Variants in HDX observed in about 807,000 individuals in gnomAD.
HDX encodes highly divergent homeobox, also known as chromosome X open reading frame 43.
A neutral mutation model predicts 45.2 loss-of-function variants in HDX; 19 were observed. That is an observed-to-expected ratio of 0.42 (90% CI 0.29 to 0.62). The LOEUF is 0.62. HDX is among the 20% of genes least tolerant of loss of function. HDX has a pLI of 0.20. For missense variants in HDX, 532 were observed against 493.9 expected, an observed-to-expected ratio of 1.08 and a Z score of -0.73; for synonymous variants, 188 against 172.8, an observed-to-expected ratio of 1.09 and a Z score of -0.69.
At chrX:84,419,899 C>A (rs1382194350) in intron 5 of HDX, among the ~76,000 whole-genome samples, 2 of 111,869 alleles carry the variant, frequency 1.8e-5, no homozygotes, top group Admixed American at 1.9e-4. Context: ...TTCTCCCAGA[C>A]CTTGCCCAGG....
intron 1 of HDX, among the ~76,000 whole-genome samples, chrX:84,494,458 T>C (rs776230110): frequency 2.7e-5 from 3 of 111,951 alleles, no homozygotes; most frequent in Non-Finnish European, 5.7e-5. Flanking sequence ...GGGAAGTACA[T>C]ACACAAAGAG....
intron 5 of HDX, among the ~76,000 whole-genome samples, chrX:84,367,241 A>G (rs1438334378): frequency 2.7e-5 from 3 of 112,516 alleles, no homozygotes; most frequent in African/African-American, 9.7e-5. Context: ...CAACAAACAT[A>G]TTTAAAAAAA....
Position 84,475,483 on chromosome X carries a change from C to T in HDX, c.1-86G>A, listed in dbSNP as rs2040528646. 5 of 531,370 alleles carry T rather than the reference C, an allele frequency of 9.4e-6. No individual in the cohort carries two copies. The South Asian group carries it at 1.5e-4, about 16-fold the overall frequency. The allele number at this position is 531,370 out of a possible 1,213,427, so 43.8% of individuals were successfully genotyped here. A position where few individuals can be genotyped will look rare whatever the true frequency, so the allele number is the denominator to read the frequency against. ...TACACCTATTTTTTTAATACAATTTCAATGCTTCCAAGCTGTAAACTTCTG... is the reference window on the plus strand; with the variant it reads ...TACACCTATTTTTTTAATACAATTTTAATGCTTCCAAGCTGTAAACTTCTG... On this transcript the variant is annotated intron_variant, in intron 2 of 10. Transcript: ENST00000373177.
intron 5 of HDX, among the ~76,000 whole-genome samples, chrX:84,419,267 G>A (rs145847877): frequency 0.11 from 12,370 of 109,432 alleles, 624 homozygotes; most frequent in South Asian, 0.28. Flanking sequence ...CACTTAGACA[G>A]CATTTCTGGA....
intron 4 of HDX, among the ~76,000 whole-genome samples, chrX:84,453,411 A>C (rs1394396879): frequency 1.8e-5 from 2 of 111,688 alleles, no homozygotes; most frequent in African/African-American, 6.5e-5. Context: ...CTGTGCACTT[A>C]GGGGAAGGAG....
At chrX:84,373,787 C>T (rs1602336211) in intron 5 of HDX, among the ~76,000 whole-genome samples, 1 of 111,309 alleles carries the variant, frequency 9.0e-6, no homozygotes, top group Non-Finnish European at 1.9e-5. Flanking sequence ...TTATGACAAA[C>T]CCACAGCCAA....
intron 4 of HDX, among the ~76,000 whole-genome samples, chrX:84,452,509 C>T (rs1038870829): frequency 1.0e-5 from 1 of 100,043 alleles, no homozygotes; most frequent in Non-Finnish European, 2.0e-5. Context: ...GAAGAAGACA[C>T]AAACAGAAGG....
At position 84,441,163 on chromosome X, in the gene HDX, G is replaced by A. The variant is rs182508856; in HGVS notation, c.1252-578C>T. The stretch of plus-strand genomic sequence containing the variant: ...AAGTTATGTGAATGTGGCCTTTCTC[G>A]AAATATCTTATTGTACTGCACTGCA... On this transcript the variant is annotated intron_variant, in intron 4 of 10. Coordinates refer to ENST00000373177, the MANE Select transcript of HDX (RefSeq NM_001177479.2). Among the ~76,000 whole-genome samples the A allele has an allele frequency of 4.1e-3, 454 of 111,399 alleles. 2 individuals are homozygous for A. The highest frequency in any genetic ancestry group is 0.013 in the African/African-American group (412 of 30,778).
intron 6 of HDX, among the ~76,000 whole-genome samples, chrX:84,360,926 T>C (rs777673617): frequency 8.9e-6 from 1 of 111,765 alleles, no homozygotes; most frequent in East Asian, 2.8e-4. Context: ...TTTGAGTAGA[T>C]TGAAATCCAT....
intron 5 of HDX, among the ~76,000 whole-genome samples, chrX:84,395,989 G>A (rs769250983): frequency 6.3e-5 from 7 of 110,338 alleles, no homozygotes; most frequent in Admixed American, 9.6e-5. Context: ...ATTGGTTTTC[G>A]GTATTCTTTT....
At chrX:84,333,587 C>T (rs1458034759) in intron 9 of HDX, among the ~76,000 whole-genome samples, 172 bp downstream of exon 9, 3 of 110,819 alleles carry the variant, frequency 2.7e-5, no homozygotes, top group East Asian at 2.8e-4. Context: ...CCCCTAAACC[C>T]GACAGCAATA....
intron 5 of HDX, among the ~76,000 whole-genome samples, chrX:84,395,362 T>G: frequency 6.7e-4 from 1 of 1,502 alleles, no homozygotes; most frequent in African/African-American, 7.4e-4. Context: ...ATTGGCAAGT[T>G]TTTTTTTTTT....
At chrX:84,444,188 G>A (rs1383014781) in intron 4 of HDX, among the ~76,000 whole-genome samples, 2 of 111,271 alleles carry the variant, frequency 1.8e-5, no homozygotes, top group African/African-American at 3.3e-5. Context: ...AAGACAGGAT[G>A]TATTTGGGGA....
rs181120577 is a variant in HDX, at chrX:84,432,217, A to G, written c.1305+8315T>C. Among the ~76,000 whole-genome samples the G allele has an allele frequency of 3.6e-5, 4 of 111,772 alleles. No individual in the cohort carries two copies. In the East Asian group the frequency reaches 8.5e-4, roughly 24 times the overall value. ...ATGTGTCTGTTTTTGTACCAATACC[A>G]TGACAGTTTGCTTATTGTAGTCTTC... On this transcript the variant is annotated intron_variant, in intron 5 of 10. Transcript: ENST00000373177.
In HDX at chrX:84,321,906, C is replaced by T. The variant is rs753053452; in HGVS notation, c.2056G>A (p.Val686Ile). 12 of 1,190,745 alleles carry T rather than the reference C, an allele frequency of 1.0e-5. No homozygotes were observed. The South Asian group carries it at 1.3e-4, about 13-fold the overall frequency. The part of the protein sequence containing the change: ...FSVSSLSEKN[V>I]SESL Reference sequence around the variant, plus strand: ...AACTGAAATCACAAACTTTCTGAGACATTTTTCTCTGACAAAGAAGATACA... The same window carrying T: ...AACTGAAATCACAAACTTTCTGAGATATTTTTCTCTGACAAAGAAGATACA... Residue 686 changes from valine (V) to isoleucine (I), a missense_variant, in exon 11 of 11, where the codon GTC (valine) becomes ATC (isoleucine). Physicochemically the swap from Val to Ile is conservative, Grantham distance 29. Around this residue, in one of 3 missense-constraint regions of HDX, gnomAD observed 151 missense variants for 131.8 expected, o/e 1.15. Transcript: ENST00000373177.
chrX:84,368,280 G>A (rs1009560284), intron 5 of HDX, among the ~76,000 whole-genome samples: 1 of 111,391 alleles, frequency 9.0e-6, no homozygotes, highest in African/African-American at 3.3e-5. Flanking sequence ...TATACTCCTA[G>A]TTACCGGAAC....
intron 5 of HDX, among the ~76,000 whole-genome samples, chrX:84,403,107 A>G (rs1408735527): frequency 1.8e-5 from 2 of 110,928 alleles, no homozygotes; most frequent in East Asian, 2.8e-4. Flanking sequence ...ACTTTGGGGG[A>G]AAAAAAGTCA....
chrX:84,462,389 C>T (rs2040258263), intron 4 of HDX, among the ~76,000 whole-genome samples: 1 of 111,746 alleles, frequency 8.9e-6, no homozygotes, highest in Admixed American at 9.5e-5. Context: ...AACTGGAGGT[C>T]ATTATGTTAA....
At chrX:84,443,422 A>G (rs564148272) in intron 4 of HDX, among the ~76,000 whole-genome samples, 10 of 111,842 alleles carry the variant, frequency 8.9e-5, no homozygotes, top group African/African-American at 2.9e-4. Context: ...TAAATCTTCA[A>G]CGAGATGAGA....
Sources: allele counts gnomAD v4.1 joint callset (sites outside exome capture counted in the v4.1 genomes callset), GRCh38; gene constraint gnomAD v4.1.1; regional missense constraint gnomAD v4.1.1; transcripts MANE v1.5; gene names NCBI Gene and HGNC (gene_info 2026-07-23, HGNC 2026-07-21).